The following GRAMD2B variants were observed in gnomAD, a reference collection of about 807,000 sequenced individuals.
GRAMD2B encodes GRAM domain-containing protein 2B.
GRAMD2B carries 41 observed loss-of-function variants against 59.2 expected under a neutral mutation model. The ratio of observed to expected loss-of-function variants is 0.69; its 90% CI spans 0.54 to 0.90. The LOEUF (loss-of-function observed/expected upper bound fraction) is 0.90, where lower values mean the gene tolerates loss of function less well. Ranked by LOEUF, GRAMD2B falls within the 40% of genes least tolerant of loss-of-function variation. GRAMD2B has a pLI of 0.00. For synonymous variants in GRAMD2B, 161 were observed against 182.7 expected (o/e 0.88, Z 0.96); for missense variants, 424 against 500.5 (o/e 0.85, Z 1.46).
intron 1 of GRAMD2B, among the ~76,000 whole-genome samples, chr5:126,363,297 A>G (rs530550196): frequency 1.8e-4 from 28 of 152,246 alleles, no homozygotes; most frequent in Non-Finnish European, 3.8e-4. Context: ...TCGAATGGCT[A>G]TATCAAAAAC....
chr5:126,470,579 G>T, intron 3 of GRAMD2B, among the ~76,000 whole-genome samples: 1 of 151,454 alleles, frequency 6.6e-6, no homozygotes, highest in South Asian at 2.1e-4. Flanking sequence ...TTTTTTTCAA[G>T]GCAGAGTCTT....
chr5:126,466,175 C>G, intron 2 of GRAMD2B: 1 of 1,475,474 alleles, frequency 6.8e-7, no homozygotes, highest in South Asian at 1.3e-5. Context: ...AAACTGAGTA[C>G]AGAAATCATT....
At chr5:126,363,069 A>G (rs1754289291) in intron 1 of GRAMD2B, among the ~76,000 whole-genome samples, 1 of 152,216 alleles carries the variant, frequency 6.6e-6, no homozygotes, top group Non-Finnish European at 1.5e-5. Flanking sequence ...TTTACAAATC[A>G]TATATTTTAA....
intron 1 of GRAMD2B, 152 bp downstream of exon 1, chr5:126,423,841 C>G: frequency 1.5e-6 from 1 of 658,662 alleles, no homozygotes; most frequent in Non-Finnish European, 2.5e-6. Flanking sequence ...CACTCTCTCT[C>G]TCTGTCTAGA....
intron 2 of GRAMD2B, 91 bp downstream of exon 2, chr5:126,465,636 A>T (rs1768195662): frequency 6.3e-6 from 7 of 1,108,242 alleles, no homozygotes; most frequent in Non-Finnish European, 9.3e-6. Flanking sequence ...AAGAGTGAGG[A>T]TGTATTAATA....
rs373263603 is a variant in GRAMD2B at position 126,477,704 on chromosome 5, G to A, written c.499G>A (p.Ala167Thr). 1.9e-6 allele frequency: 3 copies of A among 1,600,380 alleles called. No individual in the cohort carries two copies. The highest frequency in any genetic ancestry group is 2.6e-6 in the Non-Finnish European group (3 of 1,167,664). Residue 167 changes from alanine (A) to threonine (T), a missense_variant, in exon 6 of 14, where the codon GCT (alanine) becomes ACT (threonine). By Grantham distance (58) the Ala-to-Thr change is moderately conservative. Transcript: ENST00000285689. ...FGKDTKISIP[A>T]FSVTLIKKTK... ...GATTCTGTTTCAGATCTCTATTCCA[G>A]CTTTCTCGGTAACCCTAATAAAGAA...
intron 1 of GRAMD2B, among the ~76,000 whole-genome samples, chr5:126,392,156 C>T (rs559778449): frequency 2.0e-4 from 31 of 152,244 alleles, no homozygotes; most frequent in African/African-American, 7.5e-4. Flanking sequence ...TTGTGTAACG[C>T]TACAAAAGGG....
intron 1 of GRAMD2B, among the ~76,000 whole-genome samples, chr5:126,412,131 G>A (rs1758860650): frequency 1.3e-5 from 2 of 151,918 alleles, no homozygotes; most frequent in South Asian, 2.1e-4. Flanking sequence ...CTCTGACGAG[G>A]ACTTCCAGAA....
upstream of GRAMD2B, among the ~76,000 whole-genome samples, chr5:126,366,807 G>A (rs959866420): frequency 1.3e-5 from 2 of 150,062 alleles, no homozygotes; most frequent in African/African-American, 4.9e-5. Flanking sequence ...TGGAAATATG[G>A]TGACAACTGA....
intron 1 of GRAMD2B, among the ~76,000 whole-genome samples, chr5:126,461,510 G>A (rs2126754406): frequency 6.6e-6 from 1 of 152,276 alleles, no homozygotes; most frequent in South Asian, 2.1e-4. Flanking sequence ...TAAAAATGCT[G>A]TTCCCTGGCT....
chr5:126,480,276 C>T (rs1771469942), intron 6 of GRAMD2B, 180 bp from the exon 7 acceptor site: 2 of 553,032 alleles, frequency 3.6e-6, no homozygotes, highest in South Asian at 5.1e-5. Context: ...AGAATGTTTG[C>T]TTTATTACAG....
In GRAMD2B at chr5:126,485,792, T is replaced by C. The variant is rs1466115125; in HGVS notation, c.1058+19T>C. The C allele has an allele frequency of 7.1e-6, 10 of 1,411,838 alleles. No individual in the cohort carries two copies. The highest frequency in any genetic ancestry group is 9.9e-6 in the Non-Finnish European group (10 of 1,005,420). The allele number at this position is 1,411,838 out of a possible 1,614,324, so 87.5% of individuals were successfully genotyped here. ...CAATTGTGTAAGTACATGAATTTAC[T>C]GTGAGTGACTAAGAAAATGATTCCA... On this transcript the variant is annotated intron_variant, in intron 11 of 13. Coordinates refer to ENST00000285689, the MANE Select transcript of GRAMD2B (RefSeq NM_023927.4).
chr5:126,427,744 C>T (rs1402554624), intron 1 of GRAMD2B, among the ~76,000 whole-genome samples: 1 of 152,194 alleles, frequency 6.6e-6, no homozygotes, highest in Non-Finnish European at 1.5e-5. Context: ...GAGTACTTGA[C>T]AAACAGAACA....
chr5:126,452,833 A>C (rs7716471), intron 1 of GRAMD2B, among the ~76,000 whole-genome samples: 45,897 of 152,020 alleles, frequency 0.3, 7,589 homozygotes, highest in East Asian at 0.6. Context: ...CCTTTATGAT[A>C]GACCTCACTA....
chr5:126,449,211 A>G (rs905981920), intron 1 of GRAMD2B, among the ~76,000 whole-genome samples: 3 of 152,224 alleles, frequency 2.0e-5, no homozygotes, highest in Non-Finnish European at 4.4e-5. Flanking sequence ...TCATGTACAA[A>G]TTATATTCAA....
intron 1 of GRAMD2B, among the ~76,000 whole-genome samples, chr5:126,399,594 C>G (rs1047708374): frequency 6.6e-6 from 1 of 152,174 alleles, no homozygotes; most frequent in Non-Finnish European, 1.5e-5. Flanking sequence ...ACATAAAGAA[C>G]TGTGAGTTCA....
Sources: gnomAD v4.1 joint callset for allele counts (sites outside exome capture counted in the v4.1 genomes callset) on GRCh38, gnomAD v4.1.1 for gene constraint, MANE v1.5 for transcripts, NCBI Gene and HGNC (gene_info 2026-07-23, HGNC 2026-07-21) for gene names.